Variants in EYA4 observed in about 807,000 individuals in gnomAD.
EYA4 encodes the protein protein phosphatase EYA4.
EYA4 carries 31 observed loss-of-function variants against 87.9 expected under a neutral mutation model. The observed-to-expected ratio is 0.35, with a 90% CI of 0.27 to 0.48. The LOEUF is 0.48. Among genes scored for constraint, EYA4 ranks in the 20% least tolerant of loss-of-function variants. EYA4 has a pLI of 0.99. For synonymous variants in EYA4, 263 were observed against 270.6 expected (o/e 0.97, Z 0.28); for missense variants, 678 against 761.4 (o/e 0.89, Z 1.29).
intron 13 of EYA4, among the ~76,000 whole-genome samples, chr6:133,499,156 T>G (rs1797891569): frequency 6.6e-6 from 1 of 152,206 alleles, no homozygotes; most frequent in African/African-American, 2.4e-5. Flanking sequence ...ATCTCATATC[T>G]TGAGAAGGTG....
intron 3 of EYA4, among the ~76,000 whole-genome samples, chr6:133,429,379 A>G (rs1441151023): frequency 6.6e-6 from 1 of 152,208 alleles, no homozygotes; most frequent in Non-Finnish European, 1.5e-5. Context: ...AGGAGGGAGA[A>G]AGGTTGAGGA....
intron 3 of EYA4, among the ~76,000 whole-genome samples, chr6:133,425,694 T>C (rs1408879017): frequency 6.6e-6 from 1 of 150,778 alleles, no homozygotes; most frequent in Non-Finnish European, 1.5e-5. Flanking sequence ...ATGACTGCTT[T>C]AGTTTAGCTC....
chr6:133,312,029 A>G (rs974075399), intron 2 of EYA4, among the ~76,000 whole-genome samples: 3 of 152,166 alleles, frequency 2.0e-5, no homozygotes, highest in Admixed American at 2.0e-4. Flanking sequence ...AAAGCAGGTA[A>G]CAGTGAAGTC....
At chr6:133,355,791 T>C (rs1562323310) in intron 2 of EYA4, among the ~76,000 whole-genome samples, 1 of 152,202 alleles carries the variant, frequency 6.6e-6, no homozygotes, top group East Asian at 1.9e-4. Flanking sequence ...TCAATAAAAA[T>C]AAGAGGGCAT....
intron 2 of EYA4, among the ~76,000 whole-genome samples, chr6:133,311,103 A>C (rs1284268351): frequency 6.6e-6 from 1 of 152,018 alleles, no homozygotes; most frequent in Non-Finnish European, 1.5e-5. Flanking sequence ...TCTTAGTATT[A>C]CCATTACCCA....
At chr6:133,330,219 C>T (rs79967945) in intron 2 of EYA4, among the ~76,000 whole-genome samples, 4,503 of 152,016 alleles carry the variant, frequency 0.03, 216 homozygotes, top group African/African-American at 0.1. Context: ...ATGTTGTTTA[C>T]GGAATTCATA....
At chr6:133,353,193 A>G (rs1783768341) in intron 2 of EYA4, among the ~76,000 whole-genome samples, 1 of 152,082 alleles carries the variant, frequency 6.6e-6, no homozygotes, top group Non-Finnish European at 1.5e-5. Flanking sequence ...ATTATCCTCT[A>G]TGTCTACTTG....
chr6:133,374,027 T>C (rs1470641420), intron 2 of EYA4, among the ~76,000 whole-genome samples: 1 of 152,016 alleles, frequency 6.6e-6, no homozygotes, highest in Non-Finnish European at 1.5e-5. Flanking sequence ...CCTAAATAAT[T>C]CATAAAGCCG....
intron 13 of EYA4, among the ~76,000 whole-genome samples, chr6:133,501,437 A>G (rs1798108419): frequency 1.3e-5 from 2 of 152,108 alleles, no homozygotes; most frequent in Non-Finnish European, 1.5e-5. Context: ...GAATAAATGA[A>G]TGTTCCTGAA....
chr6:133,278,063 T>A (rs1777322549), intron 2 of EYA4, among the ~76,000 whole-genome samples: 1 of 152,128 alleles, frequency 6.6e-6, no homozygotes, highest in East Asian at 1.9e-4. Context: ...GGCTCAAGTG[T>A]GTCATCAAGC....
At chr6:133,267,976 TCA>T (rs755381667) in intron 1 of EYA4, among the ~76,000 whole-genome samples, 2 of 152,186 alleles carry the variant, frequency 1.3e-5, no homozygotes, top group African/African-American at 4.8e-5. Context: ...GACACCGTGT[TCA>T]CAGTGTTTCT....
chr6:133,456,862 G>C (rs1793958789), intron 6 of EYA4, among the ~76,000 whole-genome samples: 1 of 152,106 alleles, frequency 6.6e-6, no homozygotes, highest in South Asian at 2.1e-4. Flanking sequence ...TTAGTTGACA[G>C]CAAAAGTCCC....
intron 1 of EYA4, among the ~76,000 whole-genome samples, chr6:133,261,422 T>A (rs1775788126): frequency 6.6e-6 from 1 of 152,224 alleles, no homozygotes; most frequent in Non-Finnish European, 1.5e-5. Context: ...GCTTTCCTAT[T>A]CCCTTTTCTT....
intron 3 of EYA4, among the ~76,000 whole-genome samples, chr6:133,415,523 T>C (rs994322241): frequency 2.0e-5 from 3 of 152,196 alleles, no homozygotes; most frequent in Non-Finnish European, 4.4e-5. Context: ...TGGAATTTTC[T>C]TCCCTCTGGT....
intron 2 of EYA4, among the ~76,000 whole-genome samples, chr6:133,380,893 C>T (rs1185842345): frequency 7.0e-6 from 1 of 143,284 alleles, no homozygotes; most frequent in African/African-American, 2.6e-5. Flanking sequence ...CTTCTTCCCT[C>T]CCCTCCCCTC....
At chr6:133,432,593 AC>A (rs1562414053) in intron 3 of EYA4, among the ~76,000 whole-genome samples, 2 of 151,822 alleles carry the variant, frequency 1.3e-5, no homozygotes, top group Non-Finnish European at 2.9e-5. Flanking sequence ...TGAATCGTAC[AC>A]AACTTCAACC....
At chr6:133,273,289 A>G (rs564908465) in intron 1 of EYA4, among the ~76,000 whole-genome samples, 9 of 151,860 alleles carry the variant, frequency 5.9e-5, no homozygotes, top group African/African-American at 2.2e-4. Context: ...CTGGGAAGCT[A>G]GGCCCGTCTC....
At chr6:133,285,264 G>T (rs1777958777) in intron 2 of EYA4, among the ~76,000 whole-genome samples, 1 of 152,172 alleles carries the variant, frequency 6.6e-6, no homozygotes. Context: ...CCAAGCTGCG[G>T]TTTTTGGAGA....
At chr6:133,448,687 C>G (rs1793101994) in intron 5 of EYA4, among the ~76,000 whole-genome samples, 1 of 152,092 alleles carries the variant, frequency 6.6e-6, no homozygotes, top group African/African-American at 2.4e-5. Context: ...TAAAAATTAT[C>G]AGTAATGAAA....
Sources: allele counts gnomAD v4.1 joint callset (sites outside exome capture counted in the v4.1 genomes callset), GRCh38; gene constraint gnomAD v4.1.1; transcripts MANE v1.5; gene names NCBI Gene and HGNC (gene_info 2026-07-23, HGNC 2026-07-21).